The following ROCK1 variants were observed in gnomAD, a reference collection of about 807,000 sequenced individuals.
ROCK1 encodes the protein rho-associated protein kinase 1.
Under a neutral mutation model 196.8 loss-of-function variants are expected in ROCK1, and 36 were observed. That is an observed-to-expected ratio of 0.18 (90% CI 0.14 to 0.24). The LOEUF (loss-of-function observed/expected upper bound fraction) is 0.24, where lower values mean the gene tolerates loss of function less well. ROCK1 is among the 10% of genes least tolerant of loss of function. The pLI is 1.00. For missense variants in ROCK1, 920 were observed against 1,562.0 expected, an observed-to-expected ratio of 0.59 and a Z score of 6.93; for synonymous variants, 443 against 515.9, an observed-to-expected ratio of 0.86 and a Z score of 1.91.
rs761055502 is a variant in ROCK1 at position 20,955,072 on chromosome 18, G to T, written c.3592-28C>A. On this transcript the variant is annotated intron_variant, in intron 30 of 32. Coordinates refer to ENST00000399799, the MANE Select transcript of ROCK1 (RefSeq NM_005406.3). ...ACATTCAGGAATGGTGAAAGGAAAA[G>T]ATTTTAAAAATCTTAAGCATTGGTA... is the stretch of plus-strand genomic sequence containing the variant. 1.3e-5 allele frequency: 20 copies of T among 1,543,584 alleles called. No homozygotes were observed. In the South Asian group the frequency reaches 2.2e-4, roughly 17 times the overall value.
chr18:21,098,655 C>T lies in ROCK1; in HGVS notation c.93+12163G>A, dbSNP rs2036631974. On this transcript the variant is annotated intron_variant, in intron 1 of 32. Transcript: ENST00000399799. ...AATTGCAAAAAAAAAAAAAAATCTG[C>T]ATTTTACCACAGAAAAAGGGCTAAG... Among the ~76,000 whole-genome samples, 3 of 147,020 alleles carry T rather than the reference C, an allele frequency of 2.0e-5. No homozygotes were observed. In the South Asian group the frequency reaches 6.4e-4, roughly 31 times the overall value.
At chr18:20,996,528 CA>C (rs1275440092) in intron 16 of ROCK1, among the ~76,000 whole-genome samples, 1 of 151,924 alleles carries the variant, frequency 6.6e-6, no homozygotes, top group East Asian at 1.9e-4. Flanking sequence ...CAGAACTTCC[CA>C]AATCTAGAAA....
intron 6 of ROCK1, among the ~76,000 whole-genome samples, chr18:21,043,280 G>T (rs1462660096): frequency 6.6e-6 from 1 of 152,008 alleles, no homozygotes. Flanking sequence ...TGGGAAAAGG[G>T]CATAATAGTG....
intron 1 of ROCK1, among the ~76,000 whole-genome samples, chr18:21,098,143 G>A (rs907643398): frequency 6.6e-6 from 1 of 152,136 alleles, no homozygotes; most frequent in Non-Finnish European, 1.5e-5. Context: ...GGAGAGCAGG[G>A]GTGGAGATGG....
At chr18:21,062,280 T>C (rs2036298164) in intron 2 of ROCK1, among the ~76,000 whole-genome samples, 1 of 152,070 alleles carries the variant, frequency 6.6e-6, no homozygotes. Context: ...AAGTGTTCCT[T>C]TTTTTAAAAA....
At chr18:21,084,895 T>C (rs1305871273) in intron 1 of ROCK1, among the ~76,000 whole-genome samples, 2 of 152,212 alleles carry the variant, frequency 1.3e-5, no homozygotes, top group East Asian at 3.9e-4. Flanking sequence ...GGTATGTACA[T>C]ACACTGTAGT....
chr18:21,061,264 C>T (rs2036287888), intron 2 of ROCK1, among the ~76,000 whole-genome samples: 1 of 151,910 alleles, frequency 6.6e-6, no homozygotes, highest in Non-Finnish European at 1.5e-5. Flanking sequence ...TTTTTTAATA[C>T]AGACGGGGTT....
Position 20,984,464 on chromosome 18 carries a change from A to G in ROCK1, c.2376T>C (p.Thr792=). The G allele has an allele frequency of 6.2e-7, 1 of 1,613,468 alleles. No homozygotes were observed. The highest frequency in any genetic ancestry group is 8.5e-7 in the Non-Finnish European group (1 of 1,179,758). ...TTAAATTGTCTGCCTCAAATGCTTG[A>G]GTCTTCAATTCATTTTGTAACAACA... The part of the protein sequence containing the change: ...KRLLLQNELK[T]QAFEADNLKG... The change falls in exon 20 of 33, where the codon ACT becomes ACC. Residue 792 remains threonine, a synonymous_variant. Transcript: ENST00000399799.
intron 2 of ROCK1, among the ~76,000 whole-genome samples, chr18:21,062,745 G>A (rs2036302418): frequency 6.6e-6 from 1 of 152,084 alleles, no homozygotes; most frequent in African/African-American, 2.4e-5. Flanking sequence ...CCAGTGATGT[G>A]CCTAGATTTA....
rs2035151629 is a variant in ROCK1 at position 20,948,538 on chromosome 18, G to A, written c.*2846C>T. 1 of 149,542 alleles carries A rather than the reference G, an allele frequency of 6.7e-6. No homozygotes were observed. Among genetic ancestry groups the A allele is most frequent in the African/African-American group, 2.6e-5 (1 of 39,092 alleles). The allele number at this position is 149,542 out of a possible 1,614,324, so 9.3% of individuals were successfully genotyped here. The stretch of plus-strand genomic sequence containing the variant: ...GCTGAAACCCCAAATGACAGGTCAT[G>A]AGTGAACCTGTGAATAATGACAGTG... On this transcript the variant is annotated 3_prime_UTR_variant, in exon 33 of 33. Coordinates refer to ENST00000399799, the MANE Select transcript of ROCK1 (RefSeq NM_005406.3).
intron 1 of ROCK1, among the ~76,000 whole-genome samples, chr18:21,075,336 G>A (rs1370129474): frequency 6.6e-6 from 1 of 152,144 alleles, no homozygotes; most frequent in Non-Finnish European, 1.5e-5. Flanking sequence ...AACAGGAAGG[G>A]TTGAAAATGA....
chr18:21,054,078 T>C (rs1391121490), intron 2 of ROCK1, among the ~76,000 whole-genome samples: 3 of 152,178 alleles, frequency 2.0e-5, no homozygotes, highest in African/African-American at 4.8e-5. Context: ...CAAAAGCAGC[T>C]ATACACAATA....
At chr18:20,971,264 T>G (rs1264123705) in intron 22 of ROCK1, among the ~76,000 whole-genome samples, 4 of 150,260 alleles carry the variant, frequency 2.7e-5, no homozygotes, top group Non-Finnish European at 4.4e-5. Context: ...ACAATTCAAA[T>G]TTTCTGCCTG....
rs189502904 is a variant in ROCK1, at chr18:20,995,421, C to T, written c.1886-2484G>A. Reference sequence around the variant, plus strand: ...GCACAGAAAAGCACCTTCATAAGAACCAACAATCAGCTTAGTGATATATAT... The same window carrying T: ...GCACAGAAAAGCACCTTCATAAGAATCAACAATCAGCTTAGTGATATATAT... On this transcript the variant is annotated intron_variant, in intron 16 of 32. Coordinates refer to ENST00000399799, the MANE Select transcript of ROCK1 (RefSeq NM_005406.3). 2.6e-4 allele frequency among the ~76,000 whole-genome samples: 40 copies of T among 152,296 alleles called. No individual in the cohort carries two copies. In the East Asian group the frequency reaches 6.8e-3, roughly 26 times the overall value.
intron 1 of ROCK1, among the ~76,000 whole-genome samples, chr18:21,092,113 T>C (rs1337945385): frequency 6.6e-6 from 1 of 152,256 alleles, no homozygotes; most frequent in Non-Finnish European, 1.5e-5. Context: ...TATTATTTTA[T>C]AGCCTCTTCA....
At chr18:20,961,164 T>C (rs1354147438) in intron 27 of ROCK1, among the ~76,000 whole-genome samples, 2 of 152,204 alleles carry the variant, frequency 1.3e-5, no homozygotes, top group Non-Finnish European at 2.9e-5. Flanking sequence ...AATTTAACTA[T>C]TTTCCGTATC....
chr18:21,050,484 C>T (rs1425673178), intron 2 of ROCK1, among the ~76,000 whole-genome samples: 4 of 152,044 alleles, frequency 2.6e-5, no homozygotes, highest in African/African-American at 9.7e-5. Flanking sequence ...TGTCATACTA[C>T]AAACTACAAT....
chr18:21,100,324 T>C (rs561997219), intron 1 of ROCK1, among the ~76,000 whole-genome samples: 1 of 150,530 alleles, frequency 6.6e-6, no homozygotes, highest in Admixed American at 6.6e-5. Context: ...AAGGAAAGAG[T>C]TTCCTGGAGG....
rs1272377222 is a variant in ROCK1 at position 21,054,784 on chromosome 18, G to A, written c.176-4904C>T. ...AACACCTATACTTCTCTCCTTCAAT[G>A]ATCTTGTCCTCTACCTTACCTTGGT... On this transcript the variant is annotated intron_variant, in intron 2 of 32. Coordinates refer to ENST00000399799, the MANE Select transcript of ROCK1 (RefSeq NM_005406.3). 5.3e-5 allele frequency among the ~76,000 whole-genome samples: 8 copies of A among 152,068 alleles called. No individual in the cohort carries two copies. The East Asian group carries it at 1.4e-3, about 26-fold the overall frequency.
Sources: allele counts gnomAD v4.1 joint callset (sites outside exome capture counted in the v4.1 genomes callset), GRCh38; gene constraint gnomAD v4.1.1; transcripts MANE v1.5; gene names NCBI Gene and HGNC (gene_info 2026-07-23, HGNC 2026-07-21).